Variants in MAGI2 observed in about 807,000 individuals in gnomAD.
MAGI2 encodes membrane associated guanylate kinase, WW and PDZ domain containing 2.
A neutral mutation model predicts 133.3 loss-of-function variants in MAGI2; 35 were observed. The observed-to-expected ratio is 0.26, with a 90% CI of 0.20 to 0.35. The LOEUF is 0.35. Ranked by LOEUF, MAGI2 falls within the 10% of genes least tolerant of loss-of-function variation. The probability of loss-of-function intolerance (pLI) is 1.00; values close to 1 mark genes in which losing one functional copy is unlikely to be tolerated. For synonymous variants in MAGI2, 729 were observed against 710.6 expected, an observed-to-expected ratio of 1.03 and a Z score of -0.41; for missense variants, 1,636 against 1,863.4, an observed-to-expected ratio of 0.88 and a Z score of 2.25.
At chr7:78,060,191 A>T (rs895893389) in intron 21 of MAGI2, among the ~76,000 whole-genome samples, 1 of 152,060 alleles carries the variant, frequency 6.6e-6, no homozygotes, top group South Asian at 2.1e-4. Context: ...ACACAGAGAT[A>T]CATTACATGA....
intron 1 of MAGI2, among the ~76,000 whole-genome samples, chr7:79,124,325 G>C (rs1371520458): frequency 1.3e-5 from 2 of 152,118 alleles, no homozygotes; most frequent in African/African-American, 4.8e-5. Context: ...ATGTGCCTGG[G>C]ATATGCTTTA....
chr7:79,122,925 C>G (rs1820040566), intron 1 of MAGI2, among the ~76,000 whole-genome samples: 1 of 152,054 alleles, frequency 6.6e-6, no homozygotes, highest in African/African-American at 2.4e-5. Context: ...CTCCTGACCT[C>G]AGGTGATCCA....
intron 1 of MAGI2, among the ~76,000 whole-genome samples, chr7:79,305,170 G>T (rs980830477): frequency 6.6e-6 from 1 of 152,152 alleles, no homozygotes; most frequent in African/African-American, 2.4e-5. Flanking sequence ...AGTTCTTAAA[G>T]AATTTGGGGG....
chr7:78,354,903 A>G (rs1223749328), intron 7 of MAGI2, among the ~76,000 whole-genome samples: 1 of 152,174 alleles, frequency 6.6e-6, no homozygotes, highest in Non-Finnish European at 1.5e-5. Context: ...GGAGGCTACA[A>G]TTCTGTTAGG....
At chr7:78,916,908 T>C (rs1785742513) in intron 2 of MAGI2, among the ~76,000 whole-genome samples, 1 of 152,078 alleles carries the variant, frequency 6.6e-6, no homozygotes. Context: ...TTGGCAGCAA[T>C]GATGGGAATG....
chr7:78,566,526 C>T (rs1000114379), intron 3 of MAGI2, among the ~76,000 whole-genome samples: 4 of 103,976 alleles, frequency 3.8e-5, no homozygotes, highest in Admixed American at 1.1e-4. Context: ...TATCAACAGA[C>T]ACAGTTTAAA....
At chr7:78,391,078 C>T (rs1795858880) in intron 6 of MAGI2, among the ~76,000 whole-genome samples, 1 of 152,164 alleles carries the variant, frequency 6.6e-6, no homozygotes, top group Admixed American at 6.5e-5. Flanking sequence ...CAAGGAAAGA[C>T]TTGGCCCCTG....
chr7:78,272,381 A>G (rs1385933397), intron 9 of MAGI2, among the ~76,000 whole-genome samples: 2 of 152,146 alleles, frequency 1.3e-5, no homozygotes, highest in East Asian at 3.9e-4. Context: ...ATTTTAGAAT[A>G]AATGCGACGT....
At chr7:79,265,964 T>C (rs1047432413) in intron 1 of MAGI2, among the ~76,000 whole-genome samples, 1 of 152,194 alleles carries the variant, frequency 6.6e-6, no homozygotes, top group African/African-American at 2.4e-5. Flanking sequence ...ATTTTACTTA[T>C]CAATAATAAC....
At chr7:78,945,660 A>AT (rs887177408) in intron 2 of MAGI2, among the ~76,000 whole-genome samples, 21 of 151,194 alleles carry the variant, frequency 1.4e-4, no homozygotes, top group Admixed American at 2.0e-4. Context: ...AACTCTAGCA[A>AT]TTTTTTTTTG....
chr7:78,887,595 T>C (rs1796368048), intron 2 of MAGI2, among the ~76,000 whole-genome samples: 2 of 152,254 alleles, frequency 1.3e-5, no homozygotes, highest in Admixed American at 6.5e-5. Flanking sequence ...TCCATAAGAC[T>C]AACCAACTGA....
intron 6 of MAGI2, among the ~76,000 whole-genome samples, chr7:78,390,969 T>C (rs1204406029): frequency 6.6e-6 from 1 of 152,184 alleles, no homozygotes; most frequent in Non-Finnish European, 1.5e-5. Context: ...GGGTGGGAGA[T>C]GGAAGTGCTG....
intron 1 of MAGI2, among the ~76,000 whole-genome samples, chr7:79,178,457 A>G (rs1393626053): frequency 6.6e-6 from 1 of 151,986 alleles, no homozygotes; most frequent in African/African-American, 2.4e-5. Flanking sequence ...CACACCTGTA[A>G]TCCCAGCACT....
At chr7:78,463,160 A>T (rs551673705) in intron 6 of MAGI2, among the ~76,000 whole-genome samples, 2 of 152,360 alleles carry the variant, frequency 1.3e-5, no homozygotes, top group South Asian at 4.1e-4. Flanking sequence ...GAAAGAGAGC[A>T]TCTATATCCA....
At chr7:78,686,952 A>C (rs1454349108) in intron 2 of MAGI2, among the ~76,000 whole-genome samples, 1 of 152,188 alleles carries the variant, frequency 6.6e-6, no homozygotes, top group African/African-American at 2.4e-5. Flanking sequence ...TCATTATTGC[A>C]AGATGTAAGT....
chr7:78,618,483 A>G (rs1450774231), intron 3 of MAGI2: 3 of 152,000 alleles, frequency 2.0e-5, no homozygotes, highest in Non-Finnish European at 4.4e-5. Flanking sequence ...TTCAAGGTAA[A>G]TAGGTTCTGT....
In MAGI2 at chr7:79,294,239, A is replaced by ATTTTCTC. The variant is rs1231396387; in HGVS notation, c.301+158780_301+158781insGAGAAAA. ...AGAATATGTATGGTGATGTTGTAGGACTTTCTCCTTTCTCCTCAATTCAGC... is the reference window on the plus strand; with the variant it reads ...AGAATATGTATGGTGATGTTGTAGGATTTTCTCCTTTCTCCTTTCTCCTCAATTCAGC... On this transcript the variant is annotated intron_variant, in intron 1 of 21. Transcript: ENST00000354212. Among the ~76,000 whole-genome samples, 62 of 151,942 alleles carry ATTTTCTC rather than the reference A, an allele frequency of 4.1e-4. No homozygotes were observed. In the East Asian group the frequency reaches 0.011, roughly 28 times the overall value.
intron 10 of MAGI2, among the ~76,000 whole-genome samples, chr7:78,226,749 G>A (rs945778404): frequency 2.6e-5 from 4 of 152,178 alleles, no homozygotes; most frequent in South Asian, 2.1e-4. Flanking sequence ...ATATATGTAC[G>A]TATTTCTCTG....
chr7:79,145,437 T>A (rs868429511), intron 1 of MAGI2, among the ~76,000 whole-genome samples: 1 of 152,160 alleles, frequency 6.6e-6, no homozygotes, highest in Admixed American at 6.5e-5. Flanking sequence ...TATAATGTCA[T>A]CCTTGAGCTG....
Sources: gnomAD v4.1 joint callset for allele counts (sites outside exome capture counted in the v4.1 genomes callset) on GRCh38, gnomAD v4.1.1 for gene constraint, MANE v1.5 for transcripts, NCBI Gene and HGNC (gene_info 2026-07-23, HGNC 2026-07-21) for gene names.